DLGAP3: variants seen among roughly 807,000 people sequenced by gnomAD.
DLGAP3 encodes DLG associated protein 3.
Under a neutral mutation model 81.2 loss-of-function variants are expected in DLGAP3, and 17 were observed. That is an observed-to-expected ratio of 0.21 (90% confidence interval 0.14 to 0.31). The LOEUF is 0.31. Among genes scored for constraint, DLGAP3 ranks in the 10% least tolerant of loss-of-function variants. The pLI, the probability that DLGAP3 is intolerant of heterozygous loss-of-function variation, is 1.00. For missense variants in DLGAP3, 1,124 were observed against 1,388.0 expected, an observed-to-expected ratio of 0.81 and a Z score of 3.02; for synonymous variants, 577 against 587.4, an observed-to-expected ratio of 0.98 and a Z score of 0.26.
At chr1:34,909,616 T>TGG (rs968456041) in intron 1 of DLGAP3, among the ~76,000 whole-genome samples, 4 of 152,222 alleles carry the variant, frequency 2.6e-5, no homozygotes, top group African/African-American at 9.6e-5. Context: ...TCCAAATTAC[T>TGG]GGGAGCAGGA....
At chr1:34,880,657 C>G (rs1289809676) in intron 8 of DLGAP3, among the ~76,000 whole-genome samples, 2 of 151,792 alleles carry the variant, frequency 1.3e-5, no homozygotes, top group Non-Finnish European at 2.9e-5. Context: ...CAAGATCACA[C>G]CACTGCACTC....
intron 5 of DLGAP3, among the ~76,000 whole-genome samples, chr1:34,896,482 G>A (rs1004678416): frequency 9.2e-5 from 14 of 152,062 alleles, no homozygotes; most frequent in African/African-American, 2.2e-4. Flanking sequence ...CCAGTTATTC[G>A]GGAGGCTGAG....
In DLGAP3 at chr1:34,865,935, C is replaced by A. The variant is rs1273199929; in HGVS notation, c.*148G>T. 5.3e-6 allele frequency: 4 copies of A among 752,448 alleles called. No individual in the cohort carries two copies. Among genetic ancestry groups the A allele is most frequent in the Non-Finnish European group, 8.9e-6 (4 of 451,124 alleles). 46.6% of individuals were successfully genotyped at this position (752,448 alleles called of 1,614,324 possible). On this transcript the variant is annotated 3_prime_UTR_variant, in exon 12 of 12. Coordinates refer to ENST00000373347, the MANE Select transcript of DLGAP3 (RefSeq NM_001080418.3). ...TGGGATCAGGAAGGTAAAAAACCCA[C>A]GAGAGTGTGACGGGCCCGGGGGCCG...
At position 34,869,230 on chromosome 1, in the gene DLGAP3, G is replaced by T. The variant is rs891014378; in HGVS notation, c.2001-141C>A. ...TTAACCTATGCACTTTAAATATATTGGTCCTTGCAACAGCTACGTACATAA... is the reference window on the plus strand; with the variant it reads ...TTAACCTATGCACTTTAAATATATTTGTCCTTGCAACAGCTACGTACATAA... On this transcript the variant is annotated intron_variant, in intron 8 of 11. Coordinates refer to ENST00000373347, the MANE Select transcript of DLGAP3 (RefSeq NM_001080418.3). 7.7e-6 allele frequency: 5 copies of T among 653,392 alleles called. No homozygotes were observed. The African/African-American group carries it at 9.1e-5, about 12-fold the overall frequency. The allele number at this position is 653,392 out of a possible 1,614,324, so 40.5% of individuals were successfully genotyped here. A position where few individuals can be genotyped will look rare whatever the true frequency, so the allele number is the denominator to read the frequency against.
chr1:34,890,797 C>T (rs1195751402), intron 5 of DLGAP3, among the ~76,000 whole-genome samples: 2 of 152,208 alleles, frequency 1.3e-5, no homozygotes, highest in East Asian at 3.8e-4. Flanking sequence ...CCCAGTCGCA[C>T]CCAGCCAGGC....
intron 8 of DLGAP3, among the ~76,000 whole-genome samples, chr1:34,874,495 A>G (rs1480039820): frequency 6.6e-6 from 1 of 152,218 alleles, no homozygotes; most frequent in African/African-American, 2.4e-5. Flanking sequence ...TTCAGCTGTG[A>G]ATTGTCATTA....
At chr1:34,889,351 A>G (rs781014046) in intron 5 of DLGAP3, among the ~76,000 whole-genome samples, 6 of 152,208 alleles carry the variant, frequency 3.9e-5, no homozygotes, top group Admixed American at 6.5e-5. Context: ...ACGGACTCAG[A>G]GACTCTCAGA....
rs1436199166 is a variant in DLGAP3 at position 34,900,635 on chromosome 1, C to G, written c.1108-362G>C. 6.6e-6 allele frequency among the ~76,000 whole-genome samples: 1 copy of G among 152,238 alleles called. No homozygotes were observed. The highest frequency in any genetic ancestry group is 1.5e-5 in the Non-Finnish European group (1 of 68,044). On this transcript the variant is annotated intron_variant, in intron 3 of 11. Coordinates refer to ENST00000373347, the MANE Select transcript of DLGAP3 (RefSeq NM_001080418.3). The surrounding 1 kb of genome is among the most constrained non-coding windows in gnomAD (Gnocchi z 5.6). ...CTTCTACCCCTCCTTCTCCTTCATC[C>G]TTTCAACCTGCTTACATTCCAAATC...
intron 7 of DLGAP3, 111 bp from the exon 8 acceptor site, chr1:34,885,174 A>C: frequency 9.4e-7 from 1 of 1,069,452 alleles, no homozygotes; most frequent in Non-Finnish European, 1.4e-6. Flanking sequence ...GGTCCTGCAA[A>C]GACCATCTGC....
rs1182965701 is a variant in DLGAP3 at position 34,886,077 on chromosome 1, C to T, written c.1595G>A (p.Gly532Asp). 2 of 1,600,708 alleles carry T rather than the reference C, an allele frequency of 1.2e-6. No homozygotes were observed. Among genetic ancestry groups the T allele is most frequent in the Non-Finnish European group, 1.7e-6 (2 of 1,175,198 alleles). The change falls in exon 6 of 12, where the codon GGC becomes GAC. Residue 532 changes from glycine to aspartate, a missense_variant. Transcript: ENST00000373347. ...GGGCAGGAAGGTGTACTCACAGGAG[C>T]CGGGCCTCCCTGAGACAGCGGCAGG... ...ATPAAVSGRP[G>D]SSFNFRKAPP...
rs544482160 is a variant in DLGAP3 at position 34,873,282 on chromosome 1, A to G, written c.2001-4193T>C. Reference sequence around the variant, plus strand: ...GAAGTCCCACCAGTTGACCCCAATCATCACAATGAAGTGGGCGATGGGGGG... The same window carrying G: ...GAAGTCCCACCAGTTGACCCCAATCGTCACAATGAAGTGGGCGATGGGGGG... On this transcript the variant is annotated intron_variant, in intron 8 of 11. Coordinates refer to ENST00000373347, the MANE Select transcript of DLGAP3 (RefSeq NM_001080418.3). The surrounding 1 kb of genome is among the most constrained non-coding windows in gnomAD (Gnocchi z 4.2). Among the ~76,000 whole-genome samples the G allele has an allele frequency of 6.6e-6, 1 of 152,332 alleles. No individual in the cohort carries two copies. The highest frequency in any genetic ancestry group is 6.5e-5 in the Admixed American group (1 of 15,300).
At chr1:34,901,997 G>A (rs563744739) in intron 3 of DLGAP3, among the ~76,000 whole-genome samples, 8 of 152,286 alleles carry the variant, frequency 5.3e-5, no homozygotes, top group East Asian at 1.9e-4. Flanking sequence ...AAGAAGGATC[G>A]GCCTGGGATG....
chr1:34,915,677 G>A (rs772732800), intron 1 of DLGAP3, among the ~76,000 whole-genome samples: 11 of 152,180 alleles, frequency 7.2e-5, no homozygotes, highest in Non-Finnish European at 1.5e-4. Context: ...CTGGTTGGCT[G>A]ACTGCCAGGT....
chr1:34,901,320 G>A (rs1639457263), intron 3 of DLGAP3, among the ~76,000 whole-genome samples: 1 of 152,184 alleles, frequency 6.6e-6, no homozygotes, highest in African/African-American at 2.4e-5. Context: ...CTGAGAAGGA[G>A]TGGGCAGAGG....
intron 5 of DLGAP3, among the ~76,000 whole-genome samples, chr1:34,888,933 A>C (rs1031376536): frequency 2.0e-5 from 3 of 152,234 alleles, no homozygotes; most frequent in Non-Finnish European, 4.4e-5. Context: ...CTTGGAGCAC[A>C]GGGGAGCTAA....
chr1:34,910,607 C>G (rs960714491), intron 1 of DLGAP3, among the ~76,000 whole-genome samples: 3 of 152,188 alleles, frequency 2.0e-5, no homozygotes, highest in African/African-American at 7.2e-5. Flanking sequence ...ATCACGGGGC[C>G]TATTCCCCCT....
intron 1 of DLGAP3, among the ~76,000 whole-genome samples, chr1:34,910,108 C>T (rs1639616751): frequency 6.6e-6 from 1 of 152,152 alleles, no homozygotes; most frequent in South Asian, 2.1e-4. Flanking sequence ...GCTATCTTGC[C>T]ACCACAAAAG....
chr1:34,893,522 T>C (rs1248563156), intron 5 of DLGAP3, among the ~76,000 whole-genome samples: 1 of 152,232 alleles, frequency 6.6e-6, no homozygotes, highest in Admixed American at 6.5e-5. Context: ...CCTCACTTCC[T>C]CTCTTAACTT....
rs763236046 is a variant in DLGAP3, at chr1:34,926,458, G to T, written c.-135+2993C>A. ...AGCCTTCAGACTGGGGAGGGGCAGGGTGGATAAAGAGGAAATCAAGACATA... is the reference window on the plus strand; with the variant it reads ...AGCCTTCAGACTGGGGAGGGGCAGGTTGGATAAAGAGGAAATCAAGACATA... On this transcript the variant is annotated intron_variant, in intron 1 of 11. Coordinates refer to ENST00000373347, the MANE Select transcript of DLGAP3 (RefSeq NM_001080418.3). Among the ~76,000 whole-genome samples the T allele has an allele frequency of 3.2e-4, 48 of 152,338 alleles. 1 individual carries two copies. Among genetic ancestry groups the T allele is most frequent in the Admixed American group, 1.5e-3 (23 of 15,304 alleles).
Sources: gnomAD v4.1 joint callset for allele counts (sites outside exome capture counted in the v4.1 genomes callset) on GRCh38, gnomAD v4.1.1 for gene constraint, Gnocchi (gnomAD v3.1) non-coding constraint, MANE v1.5 for transcripts, NCBI Gene and HGNC (gene_info 2026-07-23, HGNC 2026-07-21) for gene names.